The following PASD1 variants were observed in gnomAD, a reference collection of about 807,000 sequenced individuals.
The protein encoded by PASD1 is PAS domain containing repressor 1, also known as circadian clock protein PASD1.
PASD1 carries 13 observed loss-of-function variants against 58.8 expected under a neutral mutation model. The ratio of observed to expected loss-of-function variants is 0.22; its 90% CI spans 0.14 to 0.35. The LOEUF (loss-of-function observed/expected upper bound fraction) is 0.35. PASD1 is among the 10% of genes least tolerant of loss of function. PASD1 has a pLI of 1.00. For missense variants in PASD1, 734 were observed against 568.3 expected (o/e 1.29, Z -2.96); for synonymous variants, 236 against 216.7 (o/e 1.09, Z -0.78).
chrX:151,623,152 G>A (rs1602938048), intron 7 of PASD1, 88 bp downstream of exon 7: 1 of 1,039,608 alleles, frequency 9.6e-7, no homozygotes, highest in East Asian at 3.1e-5. Context: ...TCAGCCACTG[G>A]ACAACATTGC....
chrX:151,576,121 G>A lies in PASD1; in HGVS notation c.-28+12282G>A, dbSNP rs1213101358. On this transcript the variant is annotated intron_variant, in intron 1 of 15. Transcript: ENST00000370357. ...GACCTCAAGTGATCTGCCCCCCTCG[G>A]CTTCTCAAAGTGCTAGGATTACAGA... 3.7e-5 allele frequency among the ~76,000 whole-genome samples: 4 copies of A among 109,470 alleles called. No homozygotes were observed. In the East Asian group the frequency reaches 1.1e-3, roughly 31 times the overall value.
At chrX:151,653,743 T>TTTCC (rs1484330067) in intron 9 of PASD1, among the ~76,000 whole-genome samples, 23 of 53,552 alleles carry the variant, frequency 4.3e-4, no homozygotes, top group African/African-American at 8.1e-4. Flanking sequence ...TCTCTCTTTC[T>TTTCC]TTCCTTCCTT....
chrX:151,600,915 T>C (rs896722585), intron 1 of PASD1, among the ~76,000 whole-genome samples: 19 of 112,340 alleles, frequency 1.7e-4, no homozygotes, highest in African/African-American at 6.1e-4. Context: ...GTAACACATA[T>C]GTATTGGGAT....
At chrX:151,596,946 C>G (rs1306943633) in intron 1 of PASD1, among the ~76,000 whole-genome samples, 1 of 112,154 alleles carries the variant, frequency 8.9e-6, no homozygotes, top group African/African-American at 3.2e-5. Context: ...GAGATGATCA[C>G]ATGCTTTTTC....
At chrX:151,567,766 G>T (rs2012868639) in intron 1 of PASD1, among the ~76,000 whole-genome samples, 1 of 112,354 alleles carries the variant, frequency 8.9e-6, no homozygotes, top group Admixed American at 9.4e-5. Context: ...CTGTCACCCA[G>T]TCTGTAGTAC....
rs1602971482 is a variant in PASD1, at chrX:151,673,967, G to C, written c.1956G>C (p.Gln652His). ...CGTATCAAGGGCCCCCCGTGAACCAGCTGCCATTGATAGATACCTCAAACT... is the reference window on the plus strand; with the variant it reads ...CGTATCAAGGGCCCCCCGTGAACCACCTGCCATTGATAGATACCTCAAACT... ...PEAYQGPPVN[Q>H]LPLIDTSNSE... Residue 652 changes from glutamine to histidine, a missense_variant, in exon 15 of 16, where the codon CAG (glutamine) becomes CAC (histidine). By Grantham distance (24) the Gln-to-His change is conservative (BLOSUM62 0). Coordinates refer to ENST00000370357, the MANE Select transcript of PASD1 (RefSeq NM_173493.3). 1 of 1,210,776 alleles carries C rather than the reference G, an allele frequency of 8.3e-7. No homozygotes were observed.
At chrX:151,630,108 T>C (rs761761736) in intron 8 of PASD1, among the ~76,000 whole-genome samples, 2 of 112,355 alleles carry the variant, frequency 1.8e-5, no homozygotes, top group African/African-American at 6.5e-5. Context: ...ATGGATTGTT[T>C]ATCATGTAGG....
intron 1 of PASD1, among the ~76,000 whole-genome samples, chrX:151,591,480 A>G (rs2013247407): frequency 1.8e-5 from 2 of 111,942 alleles, no homozygotes; most frequent in Admixed American, 9.5e-5. Context: ...ATTTTAGATT[A>G]TTTCCCATTG....
intron 6 of PASD1, among the ~76,000 whole-genome samples, chrX:151,622,638 A>G (rs1470830488): frequency 9.6e-6 from 1 of 104,551 alleles, no homozygotes; most frequent in Non-Finnish European, 2.0e-5. Flanking sequence ...CTCTACCCAT[A>G]TGGTCTATAT....
intron 4 of PASD1, among the ~76,000 whole-genome samples, chrX:151,613,264 T>C (rs1444519718): frequency 9.0e-6 from 1 of 111,219 alleles, no homozygotes; most frequent in Admixed American, 9.5e-5. Flanking sequence ...TGCCTCCAGC[T>C]TTGTTCTTTT....
chrX:151,666,757 G>T (rs542371866), intron 11 of PASD1, among the ~76,000 whole-genome samples: 1 of 102,367 alleles, frequency 9.8e-6, no homozygotes, highest in South Asian at 4.9e-4. Context: ...GTGTATATGG[G>T]CCACATTTTC....
chrX:151,642,272 T>A (rs1456755337), intron 8 of PASD1, among the ~76,000 whole-genome samples: 1 of 111,887 alleles, frequency 8.9e-6, no homozygotes, highest in Non-Finnish European at 1.9e-5. Flanking sequence ...CTCGTGTTTT[T>A]TCAAATTACA....
intron 4 of PASD1, among the ~76,000 whole-genome samples, chrX:151,615,053 G>A (rs1171925491): frequency 1.8e-5 from 2 of 111,459 alleles, no homozygotes; most frequent in Non-Finnish European, 3.8e-5. Flanking sequence ...AAGAGGGAAT[G>A]TACGAGTATG....
chrX:151,673,886 T>A, intron 14 of PASD1, 42 bp from the exon 15 acceptor site: 1 of 1,203,373 alleles, frequency 8.3e-7, no homozygotes, highest in Non-Finnish European at 1.1e-6. Flanking sequence ...TCAGTTATCA[T>A]GTCCAGATCC....
chrX:151,595,378 A>G (rs1488066980), intron 1 of PASD1, among the ~76,000 whole-genome samples: 1 of 110,873 alleles, frequency 9.0e-6, no homozygotes, highest in Admixed American at 9.6e-5. Context: ...TATTCATACC[A>G]TTTGTTCTCT....
chrX:151,624,225 T>C (rs2124273401), intron 7 of PASD1, among the ~76,000 whole-genome samples: 1 of 111,310 alleles, frequency 9.0e-6, no homozygotes, highest in Non-Finnish European at 1.9e-5. Context: ...GTTAGAAGTG[T>C]CTAGGAGAAG....
At chrX:151,570,507 C>T (rs758295718) in intron 1 of PASD1, among the ~76,000 whole-genome samples, 1 of 112,373 alleles carries the variant, frequency 8.9e-6, no homozygotes, top group African/African-American at 3.2e-5. Context: ...GGCTCGTTCC[C>T]AGCATTCTAA....
chrX:151,656,065 C>A (rs1160094599), intron 9 of PASD1, among the ~76,000 whole-genome samples: 1 of 112,197 alleles, frequency 8.9e-6, no homozygotes, highest in African/African-American at 3.2e-5. Context: ...TTTCAGCTTT[C>A]AACATATGTC....
chrX:151,597,362 G>A (rs2013334005), intron 1 of PASD1, among the ~76,000 whole-genome samples: 1 of 112,000 alleles, frequency 8.9e-6, no homozygotes, highest in South Asian at 3.7e-4. Flanking sequence ...GATTTGTAGA[G>A]TTTATTCAGG....
Sources: gnomAD v4.1 joint callset for allele counts (sites outside exome capture counted in the v4.1 genomes callset) on GRCh38, gnomAD v4.1.1 for gene constraint, MANE v1.5 for transcripts, NCBI Gene and HGNC (gene_info 2026-07-23, HGNC 2026-07-21) for gene names.